The following TVP23A variants were observed in gnomAD, a reference collection of about 807,000 sequenced individuals.
TVP23A encodes Golgi apparatus membrane protein TVP23 homolog A.
A neutral mutation model predicts 31.7 loss-of-function variants in TVP23A; 21 were observed. That is an observed-to-expected ratio of 0.66 (90% CI 0.47 to 0.95). The LOEUF is 0.95. TVP23A is among the 40% of genes least tolerant of loss of function. TVP23A has a pLI of 0.00. For missense variants in TVP23A, 279 were observed against 255.6 expected (o/e 1.09, Z -0.62); for synonymous variants, 104 against 96.0 (o/e 1.08, Z -0.49).
At chr16:10,762,998 C>T (rs1015809473), downstream of TVP23A, among the ~76,000 whole-genome samples, 1 of 152,024 alleles carries the variant, frequency 6.6e-6, no homozygotes, top group Non-Finnish European at 1.5e-5. Flanking sequence ...GGATGAGGCC[C>T]TGGGTTCTGG....
At chr16:10,785,538 G>A (rs1567291803) in intron 2 of TVP23A, among the ~76,000 whole-genome samples, 6 of 152,248 alleles carry the variant, frequency 3.9e-5, no homozygotes, top group Admixed American at 2.6e-4. Context: ...TGATTTGGGG[G>A]TGTAAACCCT....
At chr16:10,793,858 C>G (rs1214498425) in intron 2 of TVP23A, among the ~76,000 whole-genome samples, 1 of 135,330 alleles carries the variant, frequency 7.4e-6, no homozygotes. Flanking sequence ...GTGATCACAC[C>G]ACTGCATTCC....
intron 2 of TVP23A, among the ~76,000 whole-genome samples, chr16:10,806,484 C>T (rs936733268): frequency 2.0e-5 from 3 of 152,148 alleles, no homozygotes; most frequent in South Asian, 4.1e-4. Flanking sequence ...GCAGAAATCA[C>T]ACTTCAGATT....
intron 2 of TVP23A, among the ~76,000 whole-genome samples, chr16:10,782,922 G>C (rs1047569594): frequency 2.2e-4 from 33 of 152,126 alleles, no homozygotes; most frequent in African/African-American, 7.7e-4. Context: ...ACTTGGTGAT[G>C]ACATTAGGCT....
At chr16:10,770,954 C>T (rs2031567271) in intron 6 of TVP23A, among the ~76,000 whole-genome samples, 1 of 144,960 alleles carries the variant, frequency 6.9e-6, no homozygotes, top group Admixed American at 6.9e-5. Flanking sequence ...TCACTGAAAA[C>T]TAACAATGGC....
Position 10,803,145 on chromosome 16 carries a change from G to A in TVP23A, c.89+14958C>T, listed in dbSNP as rs144665790. On this transcript the variant is annotated intron_variant, in intron 2 of 7. Transcript: ENST00000299866. ...CTAAAAATACAAAAATTAGCTGGGC[G>A]TGGTGGCGGGTGCCTGTAATGCCAG... Among the ~76,000 whole-genome samples the A allele has an allele frequency of 2.9e-3, 441 of 152,170 alleles. 1 individual carries two copies. Among genetic ancestry groups the A allele is most frequent in the Middle Eastern group, 6.8e-3 (2 of 294 alleles).
At chr16:10,792,237 T>C (rs1020914071) in intron 2 of TVP23A, among the ~76,000 whole-genome samples, 2 of 152,222 alleles carry the variant, frequency 1.3e-5, no homozygotes, top group Non-Finnish European at 2.9e-5. Context: ...TGTGTGTCCA[T>C]GTCCTTAATC....
chr16:10,790,667 T>A (rs888952463), intron 2 of TVP23A, among the ~76,000 whole-genome samples: 1 of 152,162 alleles, frequency 6.6e-6, no homozygotes, highest in African/African-American at 2.4e-5. Context: ...TCACGATATA[T>A]AGGGTTAAAT....
At chr16:10,817,595 C>T (rs1302753049) in intron 2 of TVP23A, among the ~76,000 whole-genome samples, 2 of 152,246 alleles carry the variant, frequency 1.3e-5, no homozygotes, top group African/African-American at 4.8e-5. Context: ...ACTCCAAGCT[C>T]TCTTCCACTT....
Position 10,779,062 on chromosome 16 carries a change from A to C in TVP23A, c.90-3966T>G, listed in dbSNP as rs2032262580. 6.6e-6 allele frequency among the ~76,000 whole-genome samples: 1 copy of C among 152,140 alleles called. No individual in the cohort carries two copies. The highest frequency in any genetic ancestry group is 1.5e-5 in the Non-Finnish European group (1 of 68,022). ...ATGCATTCGAATAAATCCCTTGCCC[A>C]CCCGCTTCTTTCTTTTTTCTTTTTG... is the stretch of plus-strand genomic sequence containing the variant. On this transcript the variant is annotated intron_variant, in intron 2 of 7. Coordinates refer to ENST00000299866, the MANE Select transcript of TVP23A (RefSeq NM_001079512.4). This position sits in a 1 kb window ranked among gnomAD's most constrained non-coding sequence, Gnocchi z 4.9.
intron 2 of TVP23A, among the ~76,000 whole-genome samples, chr16:10,800,123 G>C (rs1200133016): frequency 1.3e-5 from 2 of 149,672 alleles, no homozygotes; most frequent in East Asian, 3.9e-4. Flanking sequence ...TAGAAACAGG[G>C]TCTTGCTATA....
chr16:10,771,860 C>G (rs2031650969), intron 5 of TVP23A, 62 bp from the exon 6 acceptor site: 1 of 1,533,824 alleles, frequency 6.5e-7, no homozygotes, highest in African/African-American at 1.4e-5. Flanking sequence ...GCTCTGTCGC[C>G]CAGGCTGGGG....
intron 2 of TVP23A, among the ~76,000 whole-genome samples, chr16:10,814,599 C>CCCTCA (rs1555487739): frequency 2.6e-5 from 4 of 152,128 alleles, no homozygotes; most frequent in African/African-American, 9.7e-5. Context: ...AACCCAGCCT[C>CCCTCA]CATCACTGCC....
intron 5 of TVP23A, among the ~76,000 whole-genome samples, chr16:10,772,397 C>T (rs1020070363): frequency 2.0e-5 from 3 of 151,946 alleles, no homozygotes; most frequent in Non-Finnish European, 2.9e-5. Flanking sequence ...TAAGACGGAG[C>T]CTCACTCTGT....
chr16:10,792,704 C>G (rs1487753037), intron 2 of TVP23A, among the ~76,000 whole-genome samples: 1 of 152,228 alleles, frequency 6.6e-6, no homozygotes, highest in East Asian at 1.9e-4. Flanking sequence ...CTGGGCTGAT[C>G]TGATTTTTCT....
rs1036425019 is a variant in TVP23A at position 10,775,542 on chromosome 16, G to A, written c.90-446C>T. 3.1e-5 allele frequency: 32 copies of A among 1,031,140 alleles called. 1 individual carries two copies. The highest frequency in any genetic ancestry group is 3.0e-4 in the South Asian group (8 of 26,884). 63.9% of individuals were successfully genotyped at this position (1,031,140 alleles called of 1,614,324 possible). A position where few individuals can be genotyped will look rare whatever the true frequency, so the allele number is the denominator to read the frequency against. On this transcript the variant is annotated intron_variant, in intron 2 of 7. Coordinates refer to ENST00000299866, the MANE Select transcript of TVP23A (RefSeq NM_001079512.4). Reference sequence around the variant, plus strand: ...GGTGTCTCATGTCATCGGGGAATGCGTGTTCCTGGACAGAGGGAAACATGT... The same window carrying A: ...GGTGTCTCATGTCATCGGGGAATGCATGTTCCTGGACAGAGGGAAACATGT...
intron 2 of TVP23A, among the ~76,000 whole-genome samples, chr16:10,788,825 A>G (rs977036732): frequency 1.3e-5 from 2 of 152,190 alleles, no homozygotes; most frequent in Non-Finnish European, 2.9e-5. Context: ...CTTAACAAGG[A>G]GCCTGCATGT....
At chr16:10,761,491 C>T (rs1168868212) in exon 9 of TVP23A, 1 of 1,598,804 alleles carries the variant, frequency 6.3e-7, no homozygotes, top group Non-Finnish European at 8.6e-7. Flanking sequence ...GCGCGTGGGG[C>T]TGCCAGGCGA....
At position 10,777,943 on chromosome 16, in the gene TVP23A, G is replaced by A. The variant is rs554202278; in HGVS notation, c.90-2847C>T. Among the ~76,000 whole-genome samples, 16 of 152,214 alleles carry A rather than the reference G, an allele frequency of 1.1e-4. No individual in the cohort carries two copies. The South Asian group carries it at 1.7e-3, about 16-fold the overall frequency. On this transcript the variant is annotated intron_variant, in intron 2 of 7. Transcript: ENST00000299866. The surrounding 1 kb of genome is among the most constrained non-coding windows in gnomAD (Gnocchi z 4.5). ...GGAGAATTGCTTGAATCTGGGAGGC[G>A]GAGGTTGCAGTGAGTTGAGATCGTA...
Sources: gnomAD v4.1 joint callset for allele counts (sites outside exome capture counted in the v4.1 genomes callset) on GRCh38, gnomAD v4.1.1 for gene constraint, Gnocchi (gnomAD v3.1) non-coding constraint, MANE v1.5 for transcripts, NCBI Gene and HGNC (gene_info 2026-07-23, HGNC 2026-07-21) for gene names.